Variants in ANKLE2 observed in about 807,000 individuals in gnomAD.
ANKLE2 encodes ankyrin repeat and LEM domain containing 2, also known as ankyrin repeat and LEM domain-containing protein 2.
Under a neutral mutation model 84.2 loss-of-function variants are expected in ANKLE2, and 55 were observed. That is an observed-to-expected ratio of 0.65 (90% confidence interval 0.53 to 0.82). The LOEUF (loss-of-function observed/expected upper bound fraction) is 0.82. Ranked by LOEUF, ANKLE2 falls within the 40% of genes least tolerant of loss-of-function variation. The probability of loss-of-function intolerance (pLI) is 0.00; values close to 1 mark genes in which losing one functional copy is unlikely to be tolerated. For missense variants in ANKLE2, 1,238 were observed against 1,201.9 expected, an observed-to-expected ratio of 1.03 and a Z score of -0.44; for synonymous variants, 551 against 486.1, an observed-to-expected ratio of 1.13 and a Z score of -1.76.
At chr12:132,730,342 T>TACCCAAAACCTCCCCACTCCATCCGC in intron 10 of ANKLE2, 72 bp from the exon 11 acceptor site, 3 of 532,792 alleles carry the variant, frequency 5.6e-6, no homozygotes, top group Non-Finnish European at 5.2e-6. Flanking sequence ...GCCCCATCCA[T>TACCCAAAACCTCCCCACTCCATCCGC]GACCAACTGC....
chr12:132,761,424 G>T, intron 1 of ANKLE2, 194 bp downstream of exon 1: 1 of 422,102 alleles, frequency 2.4e-6, no homozygotes, highest in Non-Finnish European at 3.8e-6. Context: ...TCCGCCCCCG[G>T]CCCGGGAAGC....
At chr12:132,759,737 A>G (rs1365346056) in intron 1 of ANKLE2, 1 of 150,076 alleles carries the variant, frequency 6.7e-6, no homozygotes, top group Non-Finnish European at 1.5e-5. Context: ...TGCTTAACAC[A>G]TACCAAGTGC....
chr12:132,738,525 TAG>T, intron 7 of ANKLE2: 1 of 135,682 alleles, frequency 7.4e-6, no homozygotes, highest in Non-Finnish European at 1.6e-5. Context: ...CATAGTTTCA[TAG>T]TTTTTTTTTT....
In ANKLE2 at chr12:132,726,944, G is replaced by C. The variant is rs905319739; in HGVS notation, c.*298C>G. 2.2e-4 allele frequency: 88 copies of C among 394,844 alleles called. No homozygotes were observed. Among genetic ancestry groups the C allele is most frequent in the Non-Finnish European group, 3.2e-5 (7 of 219,460 alleles). The allele number at this position is 394,844 out of a possible 1,614,324, so 24.5% of individuals were successfully genotyped here. On this transcript the variant is annotated 3_prime_UTR_variant, in exon 13 of 13. Coordinates refer to ENST00000357997, the MANE Select transcript of ANKLE2 (RefSeq NM_015114.3). ...GCTGCCTGCCTGCAACTGCCTCAGCGCCCTTTCCTCTGCTATATTTCAGAC... is the reference window on the plus strand; with the variant it reads ...GCTGCCTGCCTGCAACTGCCTCAGCCCCCTTTCCTCTGCTATATTTCAGAC...
Position 132,761,618 on chromosome 12 carries a change from C to A in ANKLE2, c.181G>T (p.Gly61Cys). The change falls in exon 1 of 13, where the codon GGT becomes TGT. Residue 61 changes from glycine (G) to cysteine (C), a missense_variant and splice_region_variant. Physicochemically the swap from Gly to Cys is radical, Grantham distance 159. This residue lies in a region of ANKLE2 where 422 missense variants were observed against 394.5 expected (regional missense o/e 1.07). Transcript: ENST00000357997. Reference protein sequence around the residue: ...PPSAAAAPASGEMTMDALLAR... With the variant: ...PPSAAAAPASCEMTMDALLAR... ...GACCCAGCGACCGCCTGGGCCTTAC[C>A]TGAGGCGGGGGCGGCGGCCGCGCTT... The A allele has an allele frequency of 8.0e-7, 1 of 1,254,272 alleles. No homozygotes were observed. The highest frequency in any genetic ancestry group is 1.0e-6 in the Non-Finnish European group (1 of 999,144). The allele number at this position is 1,254,272 out of a possible 1,614,324, so 77.7% of individuals were successfully genotyped here.
chr12:132,730,479 C>A, intron 10 of ANKLE2: 1 of 552,888 alleles, frequency 1.8e-6, no homozygotes, highest in Non-Finnish European at 3.1e-6. Flanking sequence ...GGATGGAAAA[C>A]CACCCACACG....
rs185216627 is a variant in ANKLE2 at position 132,751,839 on chromosome 12, G to A, written c.641-990C>T. ...ATTACAGGCATGAGCCACTGTACCC[G>A]GCTGGGAATGCCTTTTTAAACATGC... On this transcript the variant is annotated intron_variant, in intron 2 of 12. Transcript: ENST00000357997. Among the ~76,000 whole-genome samples the A allele has an allele frequency of 9.3e-4, 142 of 152,078 alleles. 1 individual carries two copies. The East Asian group carries it at 0.025, about 27-fold the overall frequency.
At chr12:132,733,017 T>C (rs2043917872) in intron 10 of ANKLE2, among the ~76,000 whole-genome samples, 1 of 141,040 alleles carries the variant, frequency 7.1e-6, no homozygotes, top group Non-Finnish European at 1.5e-5. Context: ...ATGCACTGTG[T>C]GAAGCGCTCT....
intron 7 of ANKLE2, 101 bp downstream of exon 7, chr12:132,741,318 C>T: frequency 2.5e-6 from 3 of 1,200,782 alleles, no homozygotes; most frequent in Admixed American, 2.0e-5. Context: ...CCGGCACACG[C>T]CCGGGGAGCT....
At chr12:132,761,185 G>C (rs1593192108) in intron 1 of ANKLE2, 1 of 156,818 alleles carries the variant, frequency 6.4e-6, no homozygotes, top group East Asian at 1.8e-4. Context: ...TGCCTTTTCC[G>C]TCTCTGCCTT....
In ANKLE2 at chr12:132,741,392, G is replaced by A. The variant is rs78611270; in HGVS notation, c.1420+27C>T. On this transcript the variant is annotated intron_variant, in intron 7 of 12. Coordinates refer to ENST00000357997, the MANE Select transcript of ANKLE2 (RefSeq NM_015114.3). The stretch of plus-strand genomic sequence containing the variant: ...AGGCCCTTCCCGGCGTGGACCCCAC[G>A]ATCCAGGCACCAACTCCCCATCTTA... The A allele has an allele frequency of 7.2e-3, 11,641 of 1,612,320 alleles. 616 individuals carry two copies. In the African/African-American group the frequency reaches 0.12, roughly 17 times the overall value.
intron 10 of ANKLE2, among the ~76,000 whole-genome samples, chr12:132,733,481 C>T (rs1164572089): frequency 1.1e-3 from 90 of 83,546 alleles, no homozygotes; most frequent in African/African-American, 3.2e-3. Flanking sequence ...TGAAGCACTG[C>T]GCGTCCTGGT....
At chr12:132,759,379 C>T (rs1489167420) in intron 1 of ANKLE2, 1 of 152,124 alleles carries the variant, frequency 6.6e-6, no homozygotes, top group Non-Finnish European at 1.5e-5. Context: ...TTTCATTTGT[C>T]TAATAAAAGC....
chr12:132,734,950 G>A (rs959324852), intron 9 of ANKLE2: 4 of 277,840 alleles, frequency 1.4e-5, no homozygotes, highest in African/African-American at 4.5e-5. Context: ...CCAGGCACAC[G>A]AAAGCCTGGA....
chr12:132,752,977 G>T (rs1195054739), intron 2 of ANKLE2, among the ~76,000 whole-genome samples: 1 of 149,002 alleles, frequency 6.7e-6, no homozygotes, highest in African/African-American at 2.5e-5. Context: ...AAGCAATAAA[G>T]CGAGACCCAG....
rs781259441 is a variant in ANKLE2 at position 132,750,840 on chromosome 12, T to C, written c.650A>G (p.Tyr217Cys). 4 of 1,613,880 alleles carry C rather than the reference T, an allele frequency of 2.5e-6. No individual in the cohort carries two copies. Among genetic ancestry groups the C allele is most frequent in the Admixed American group, 1.7e-5 (1 of 59,992 alleles). ...TGCTTCCTTTTTATTTTCATAAACA[T>C]AGATCCTTTCTGGGTAAGAAAAGTA... ...EDVPARNERIYVYENKKEALQ... is the reference protein window; with the variant it reads ...EDVPARNERICVYENKKEALQ... Residue 217 changes from tyrosine (Y) to cysteine (C), a missense_variant, in exon 3 of 13, where the codon TAT (tyrosine) becomes TGT (cysteine). Physicochemically the swap from Tyr to Cys is radical, Grantham distance 194. Around this residue, in one of 3 missense-constraint regions of ANKLE2, gnomAD observed 422 missense variants for 394.5 expected, o/e 1.07. Coordinates refer to ENST00000357997, the MANE Select transcript of ANKLE2 (RefSeq NM_015114.3).
rs1030597464 is a variant in ANKLE2, at chr12:132,729,982, G to A, written c.2180C>T (p.Pro727Leu). 1.1e-5 allele frequency: 17 copies of A among 1,613,266 alleles called. No individual in the cohort carries two copies. Among genetic ancestry groups the A allele is most frequent in the Admixed American group, 1.7e-5 (1 of 59,986 alleles). The stretch of plus-strand genomic sequence containing the variant: ...CTCAACAGTCAAATCCGAGACAGGT[G>A]GCAGATGGGCTTCCTCCCCACGGGG... ...KAPRGEEAHL[P>L]PVSDLTVEFD... Residue 727 changes from proline (P) to leucine (L), a missense_variant, in exon 11 of 13, where the codon CCA becomes CTA. Physicochemically the swap from Pro to Leu is moderately conservative, Grantham distance 98. Around this residue, in one of 3 missense-constraint regions of ANKLE2, gnomAD observed 802 missense variants for 774.5 expected, o/e 1.04. Transcript: ENST00000357997.
chr12:132,754,717 A>C lies in ANKLE2; in HGVS notation c.598T>G (p.Tyr200Asp), dbSNP rs1461757920. Reference protein sequence around the residue: ...ATASKEPPLYYGVCPVYEDVP... With the variant: ...ATASKEPPLYDGVCPVYEDVP... ...TCCTCATACACTGGACACACCCCAT[A>C]GTACAGGGGCGGCTCCTTAGACGCA... The change falls in exon 2 of 13, where the codon TAT (tyrosine) becomes GAT (aspartate). Residue 200 changes from tyrosine (Y) to aspartate (D), a missense_variant. Physicochemically the swap from Tyr to Asp is radical, Grantham distance 160. Transcript: ENST00000357997. 5.5e-5 allele frequency: 88 copies of C among 1,613,788 alleles called. No homozygotes were observed. The highest frequency in any genetic ancestry group is 7.4e-5 in the Non-Finnish European group (87 of 1,179,954).
intron 1 of ANKLE2, chr12:132,760,278 A>G (rs1347353722): frequency 6.6e-6 from 1 of 152,152 alleles, no homozygotes; most frequent in Non-Finnish European, 1.5e-5. Context: ...AGTTTCTCCC[A>G]CTAGTCTTGC....
Sources: gnomAD v4.1 joint callset for allele counts (sites outside exome capture counted in the v4.1 genomes callset) on GRCh38, gnomAD v4.1.1 for gene constraint, gnomAD v4.1.1 regional missense constraint, MANE v1.5 for transcripts, NCBI Gene and HGNC (gene_info 2026-07-23, HGNC 2026-07-21) for gene names.